Variants in ANO3 observed in about 807,000 individuals in gnomAD.
ANO3 encodes anoctamin 3, also known as anoctamin-3.
ANO3 carries 99 observed loss-of-function variants against 144.8 expected under a neutral mutation model. That is an observed-to-expected ratio of 0.68 (90% CI 0.58 to 0.81). The LOEUF (loss-of-function observed/expected upper bound fraction) is 0.81. Among genes scored for constraint, ANO3 ranks in the 30% least tolerant of loss-of-function variants. The probability of loss-of-function intolerance (pLI) is 0.00; values close to 1 mark genes in which losing one functional copy is unlikely to be tolerated. For synonymous variants in ANO3, 414 were observed against 392.6 expected (o/e 1.05, Z -0.64); for missense variants, 905 against 1,202.2 (o/e 0.75, Z 3.66).
At chr11:26,412,724 CA>C (rs2133987670) in intron 1 of ANO3, among the ~76,000 whole-genome samples, 1 of 150,444 alleles carries the variant, frequency 6.6e-6, no homozygotes, top group Non-Finnish European at 1.5e-5. Context: ...TAGAAATTAC[CA>C]GTATTAGTTA....
intron 24 of ANO3, among the ~76,000 whole-genome samples, chr11:26,653,631 C>G (rs920937783): frequency 6.6e-6 from 1 of 151,796 alleles, no homozygotes; most frequent in East Asian, 1.9e-4. Flanking sequence ...TATTTCCCTC[C>G]CTCCCTTTGT....
intron 4 of ANO3, among the ~76,000 whole-genome samples, chr11:26,476,442 T>C (rs1193198189): frequency 6.6e-6 from 1 of 151,936 alleles, no homozygotes; most frequent in Non-Finnish European, 1.5e-5. Flanking sequence ...GTGTGGAAAG[T>C]ATCCAGATGT....
intron 1 of ANO3, among the ~76,000 whole-genome samples, chr11:26,424,101 A>G (rs1215977536): frequency 6.6e-6 from 1 of 151,990 alleles, no homozygotes; most frequent in Admixed American, 6.6e-5. Flanking sequence ...ACAAAAGAAT[A>G]TTTATCTCCA....
At chr11:26,293,532 T>TAA (rs1854011944) in intron 1 of ANO3, among the ~76,000 whole-genome samples, 2 of 6,820 alleles carry the variant, frequency 2.9e-4, no homozygotes, top group African/African-American at 8.7e-4. Context: ...ATAAATTCCA[T>TAA]GTATATATAT....
chr11:26,336,077 T>C (rs1227072692), intron 1 of ANO3, among the ~76,000 whole-genome samples: 1 of 152,150 alleles, frequency 6.6e-6, no homozygotes, highest in Non-Finnish European at 1.5e-5. Context: ...TATGTTTGCT[T>C]TTGTCTTAGC....
At chr11:26,508,404 C>G in intron 5 of ANO3, 142 bp downstream of exon 5, 8 of 621,352 alleles carry the variant, frequency 1.3e-5, no homozygotes, top group Non-Finnish European at 2.1e-5. Context: ...TAAATACATG[C>G]ACATAGCCCT....
chr11:26,252,618 G>T (rs1002720573), intron 1 of ANO3, among the ~76,000 whole-genome samples: 1 of 151,976 alleles, frequency 6.6e-6, no homozygotes, highest in African/African-American at 2.4e-5. Flanking sequence ...TTATCCAAGG[G>T]TTCTTTCATA....
intron 1 of ANO3, among the ~76,000 whole-genome samples, chr11:26,289,563 T>TACAAATACAC (rs1853891577): frequency 8.7e-6 from 1 of 114,398 alleles, no homozygotes; most frequent in African/African-American, 5.0e-5. Flanking sequence ...TGTGTATATG[T>TACAAATACAC]ACATATACAC....
At chr11:26,236,750 A>G (rs558911807) in intron 1 of ANO3, among the ~76,000 whole-genome samples, 207 of 149,396 alleles carry the variant, frequency 1.4e-3, no homozygotes, top group Non-Finnish European at 1.9e-3. Context: ...CCTGGGAGGC[A>G]GAGCTTGCAG....
chr11:26,485,933 G>T (rs1473070532), intron 4 of ANO3, among the ~76,000 whole-genome samples: 3 of 152,124 alleles, frequency 2.0e-5, no homozygotes, highest in African/African-American at 7.2e-5. Context: ...GAAAATATTT[G>T]TAAACTATGC....
At chr11:26,599,093 A>G in intron 16 of ANO3, 95 bp downstream of exon 16, 1 of 1,311,584 alleles carries the variant, frequency 7.6e-7, no homozygotes, top group Admixed American at 2.0e-5. Context: ...TGAGAATGTC[A>G]GAAACCTTAT....
chr11:26,602,137 G>A (rs1257744393), intron 17 of ANO3, among the ~76,000 whole-genome samples: 2 of 152,194 alleles, frequency 1.3e-5, no homozygotes, highest in Non-Finnish European at 2.9e-5. Context: ...GCAGAAAGGA[G>A]ATTGTTGTTT....
At chr11:26,544,273 T>TATATATATATATATATACAC in intron 11 of ANO3, among the ~76,000 whole-genome samples, 73 of 58,524 alleles carry the variant, frequency 1.2e-3, no homozygotes, top group Middle Eastern at 0.011. Context: ...TATATATATA[T>TATATATATATATATATACAC]ACACACATAC....
At chr11:26,573,236 G>T (rs956359739) in intron 14 of ANO3, among the ~76,000 whole-genome samples, 1 of 152,156 alleles carries the variant, frequency 6.6e-6, no homozygotes, top group Admixed American at 6.5e-5. Context: ...TAATTGGCCC[G>T]AGGAAAGAAC....
intron 14 of ANO3, chr11:26,560,994 T>A: frequency 1.4e-6 from 2 of 1,465,436 alleles, no homozygotes; most frequent in Non-Finnish European, 1.9e-6. Flanking sequence ...TGTAACCTTT[T>A]GAAAGATGAA....
At chr11:26,235,859 T>A (rs1389497166) in intron 1 of ANO3, among the ~76,000 whole-genome samples, 4 of 152,182 alleles carry the variant, frequency 2.6e-5, no homozygotes, top group African/African-American at 9.6e-5. Flanking sequence ...ACGAAGTATA[T>A]ACTCAGAGAA....
At chr11:26,462,317 T>C (rs1486148492) in intron 3 of ANO3, among the ~76,000 whole-genome samples, 6 of 151,928 alleles carry the variant, frequency 3.9e-5, no homozygotes, top group Non-Finnish European at 7.4e-5. Flanking sequence ...TCACATGGAA[T>C]ATAAATTTAG....
chr11:26,378,258 TGAG>T (rs1289572869), intron 1 of ANO3, among the ~76,000 whole-genome samples: 2 of 150,654 alleles, frequency 1.3e-5, no homozygotes, highest in Non-Finnish European at 3.0e-5. Context: ...CTCACAGTAC[TGAG>T]GAAGTGGGTA....
At chr11:26,636,603 A>AT (rs56960405) in intron 20 of ANO3, among the ~76,000 whole-genome samples, 4,188 of 152,290 alleles carry the variant, frequency 0.028, 199 homozygotes, top group African/African-American at 0.095. Context: ...AGTGCCTGCA[A>AT]TTGCAAATGT....
Sources: gnomAD v4.1 joint callset for allele counts (sites outside exome capture counted in the v4.1 genomes callset) on GRCh38, gnomAD v4.1.1 for gene constraint, MANE v1.5 for transcripts, NCBI Gene and HGNC (gene_info 2026-07-23, HGNC 2026-07-21) for gene names.